CNTN5: variants seen among roughly 807,000 people sequenced by gnomAD.
The protein encoded by CNTN5 is contactin 5.
A neutral mutation model predicts 129.1 loss-of-function variants in CNTN5; 77 were observed. The observed-to-expected ratio is 0.60, with a 90% CI of 0.50 to 0.72. The LOEUF (loss-of-function observed/expected upper bound fraction) is 0.72, where lower values mean the gene tolerates loss of function less well. CNTN5 is among the 30% of genes least tolerant of loss of function. The pLI, the probability that CNTN5 is intolerant of heterozygous loss-of-function variation, is 0.00. For missense variants in CNTN5, 1,478 were observed against 1,328.8 expected (o/e 1.11, Z -1.75); for synonymous variants, 509 against 465.6 (o/e 1.09, Z -1.20).
Position 99,861,057 on chromosome 11 carries a change from G to A in CNTN5, c.577+15795G>A, listed in dbSNP as rs549129872. On this transcript the variant is annotated intron_variant, in intron 6 of 24. Coordinates refer to ENST00000524871, the MANE Select transcript of CNTN5 (RefSeq NM_014361.4). Reference sequence around the variant, plus strand: ...TGCAAACTGCGCCTCCCAGGTTCACGCCATTCTCTGGCCTCAGCCTCCTGA... The same window carrying A: ...TGCAAACTGCGCCTCCCAGGTTCACACCATTCTCTGGCCTCAGCCTCCTGA... Among the ~76,000 whole-genome samples the A allele has an allele frequency of 7.7e-5, 11 of 143,224 alleles. No individual in the cohort carries two copies. The South Asian group carries it at 2.1e-3, about 27-fold the overall frequency. 94.0% of individuals were successfully genotyped at this position (143,224 alleles called of 152,430 possible).
At chr11:100,251,231 C>G (rs570357736) in intron 16 of CNTN5, among the ~76,000 whole-genome samples, 2 of 152,046 alleles carry the variant, frequency 1.3e-5, no homozygotes, top group Non-Finnish European at 2.9e-5. Context: ...AATTCTTGCT[C>G]GATTTTCTCA....
At chr11:99,264,668 T>A (rs1226397390) in intron 1 of CNTN5, among the ~76,000 whole-genome samples, 1 of 152,110 alleles carries the variant, frequency 6.6e-6, no homozygotes, top group Non-Finnish European at 1.5e-5. Flanking sequence ...TTTCAAGCAA[T>A]GTATGCCTAA....
chr11:99,639,159 G>A (rs550031801), intron 3 of CNTN5, among the ~76,000 whole-genome samples: 2 of 152,314 alleles, frequency 1.3e-5, no homozygotes, highest in Admixed American at 6.5e-5. Flanking sequence ...CAAGGCTTGG[G>A]GCTTCCACCC....
intron 2 of CNTN5, among the ~76,000 whole-genome samples, chr11:99,473,914 GAGTGTCAAAGT>G (rs1311254653): frequency 6.6e-6 from 1 of 152,050 alleles, no homozygotes; most frequent in Non-Finnish European, 1.5e-5. Flanking sequence ...ACACTGGCTA[GAGTGTCAAAGT>G]AGCCATAGTG....
At chr11:99,818,750 A>G (rs539573289) in intron 3 of CNTN5, among the ~76,000 whole-genome samples, 97 of 152,294 alleles carry the variant, frequency 6.4e-4, no homozygotes, top group East Asian at 1.5e-3. Context: ...AGTTCAATCC[A>G]TTTTAGGCAG....
At chr11:99,352,601 T>G (rs1367831472) in intron 2 of CNTN5, among the ~76,000 whole-genome samples, 1 of 152,182 alleles carries the variant, frequency 6.6e-6, no homozygotes, top group Non-Finnish European at 1.5e-5. Context: ...AAATTAAACT[T>G]GCCAAGTAAA....
At chr11:99,687,580 G>GTA (rs1953849702) in intron 3 of CNTN5, among the ~76,000 whole-genome samples, 1 of 152,162 alleles carries the variant, frequency 6.6e-6, no homozygotes, top group Admixed American at 6.5e-5. Flanking sequence ...TTTATGGGCT[G>GTA]TAGCTCATTC....
intron 3 of CNTN5, among the ~76,000 whole-genome samples, chr11:99,742,466 T>C (rs1943916749): frequency 6.6e-6 from 1 of 152,180 alleles, no homozygotes; most frequent in Admixed American, 6.6e-5. Context: ...TTTAATATTT[T>C]TGAATGACAG....
At position 99,338,263 on chromosome 11, in the gene CNTN5, C is replaced by T. The variant is rs117517342; in HGVS notation, c.-71+12779C>T. 4.6e-5 allele frequency among the ~76,000 whole-genome samples: 7 copies of T among 152,270 alleles called. No individual in the cohort carries two copies. In the East Asian group the frequency reaches 1.3e-3, roughly 29 times the overall value. ...TTCCACCCAGCCTGGTCAAACAGCT[C>T]TATACTTGAGTCTCATTCTTTTTCT... On this transcript the variant is annotated intron_variant, in intron 2 of 24. Transcript: ENST00000524871.
rs535449467 is a variant in CNTN5 at position 99,463,498 on chromosome 11, G to T, written c.-70-92647G>T. Among the ~76,000 whole-genome samples, 7 of 145,306 alleles carry T rather than the reference G, an allele frequency of 4.8e-5. No individual in the cohort carries two copies. The South Asian group carries it at 1.5e-3, about 32-fold the overall frequency. ...AATGAAAAATCCAACTTTCAGTGAA[G>T]AATTGAACTCATTATACTTAAAAAA... On this transcript the variant is annotated intron_variant, in intron 2 of 24. Transcript: ENST00000524871.
At chr11:100,260,067 A>G (rs1329750554) in intron 17 of CNTN5, among the ~76,000 whole-genome samples, 3 of 152,172 alleles carry the variant, frequency 2.0e-5, no homozygotes, top group African/African-American at 4.8e-5. Context: ...TAAAGAAGAA[A>G]AGAGAGAAGA....
At chr11:99,892,617 G>C (rs558370766) in intron 6 of CNTN5, among the ~76,000 whole-genome samples, 2 of 152,230 alleles carry the variant, frequency 1.3e-5, no homozygotes, top group East Asian at 3.9e-4. Flanking sequence ...TGTCAGGTTT[G>C]TCAAAGATCA....
chr11:100,005,629 C>CT (rs1358184802), intron 9 of CNTN5, among the ~76,000 whole-genome samples: 1 of 152,100 alleles, frequency 6.6e-6, no homozygotes, highest in African/African-American at 2.4e-5. Flanking sequence ...CCAAGTTGTA[C>CT]TTACTGTTTA....
At chr11:100,173,467 T>TAG (rs1947878935) in intron 13 of CNTN5, among the ~76,000 whole-genome samples, 1 of 151,930 alleles carries the variant, frequency 6.6e-6, no homozygotes, top group Non-Finnish European at 1.5e-5. Context: ...AGAAAAGAAG[T>TAG]AGAGAGAGAT....
intron 3 of CNTN5, among the ~76,000 whole-genome samples, chr11:99,790,868 GT>G (rs1233543119): frequency 1.3e-5 from 2 of 152,004 alleles, no homozygotes; most frequent in African/African-American, 4.8e-5. Context: ...CATTTTGACT[GT>G]TGTCTTATTC....
intron 1 of CNTN5, among the ~76,000 whole-genome samples, chr11:99,240,055 T>G (rs1296970571): frequency 6.6e-6 from 1 of 152,170 alleles, no homozygotes. Context: ...AATATAAGTG[T>G]GGTAAGTTTT....
intron 3 of CNTN5, among the ~76,000 whole-genome samples, chr11:99,676,801 C>A (rs1006303780): frequency 6.6e-6 from 1 of 151,964 alleles, no homozygotes; most frequent in Non-Finnish European, 1.5e-5. Flanking sequence ...AAACACAAAT[C>A]ATTACAAAGG....
intron 13 of CNTN5, among the ~76,000 whole-genome samples, chr11:100,106,839 T>G (rs1945453030): frequency 1.3e-5 from 2 of 152,252 alleles, no homozygotes; most frequent in South Asian, 2.1e-4. Flanking sequence ...GATATTTATA[T>G]AAAATGTTGT....
At chr11:100,296,696 A>G (rs1017210004) in intron 18 of CNTN5, among the ~76,000 whole-genome samples, 13 of 151,566 alleles carry the variant, frequency 8.6e-5, no homozygotes, top group Admixed American at 2.6e-4. Context: ...CTTCCTTTCC[A>G]GGAGTATATA....
Sources: gnomAD v4.1 joint callset for allele counts (sites outside exome capture counted in the v4.1 genomes callset) on GRCh38, gnomAD v4.1.1 for gene constraint, MANE v1.5 for transcripts, NCBI Gene and HGNC (gene_info 2026-07-23, HGNC 2026-07-21) for gene names.